KRTAP5-10: variants seen among roughly 807,000 people sequenced by gnomAD.
KRTAP5-10 encodes keratin-associated protein 5-10.
A neutral mutation model predicts 1.6 loss-of-function variants in KRTAP5-10; 1 was observed. The observed-to-expected ratio is 0.64, with a 90% CI of 0.23 to 3.04. The LOEUF is 3.04. Ranked by LOEUF, KRTAP5-10 falls within the 30% of genes most tolerant of loss-of-function variation. KRTAP5-10 has a pLI of 0.21. For missense variants in KRTAP5-10, 219 were observed against 255.2 expected (o/e 0.86, Z 0.97); for synonymous variants, 76 against 102.0 (o/e 0.75, Z 1.54).
In KRTAP5-10 at chr11:71,566,204, A is replaced by AATG; in HGVS notation, c.*9_*10insTGA. ...TGCCAGTGTAAGATCTGAGGCTCTG[A>AATG]ACCCAGACCTTCAGGTTTCACCTGT... On this transcript the variant is annotated 3_prime_UTR_variant, in exon 1 of 1. Transcript: ENST00000398531. The AATG allele has an allele frequency of 6.2e-7, 1 of 1,614,016 alleles. No homozygotes were observed. Among genetic ancestry groups the AATG allele is most frequent in the Non-Finnish European group, 8.5e-7 (1 of 1,179,910 alleles).
chr11:71,566,050 G>A lies in KRTAP5-10; in HGVS notation c.463G>A (p.Gly155Arg), dbSNP rs1185259053. 5 of 1,613,674 alleles carry A rather than the reference G, an allele frequency of 3.1e-6. No individual in the cohort carries two copies. The highest frequency in any genetic ancestry group is 3.4e-6 in the Non-Finnish European group (4 of 1,179,858). ...GCCCTGCTGCTGCTCCTCAGGCTGT[G>A]GATCCTGCTGCCAGTCCAGCTGCTG... The part of the protein sequence containing the change: ...CKPCCCSSGC[G>R]SCCQSSCCNP... Residue 155 changes from glycine (G) to arginine (R), a missense_variant, in exon 1 of 1, where the codon GGA (glycine) becomes AGA (arginine). Physicochemically the swap from Gly to Arg is moderately radical, Grantham distance 125. Transcript: ENST00000398531.
In KRTAP5-10 at chr11:71,566,275, C is replaced by T. The variant is rs1249018816; in HGVS notation, c.*79C>T. 7.6e-6 allele frequency: 12 copies of T among 1,588,098 alleles called. No individual in the cohort carries two copies. In the East Asian group the frequency reaches 1.6e-4, roughly 21 times the overall value. Reference sequence around the variant, plus strand: ...GATTTCCCTGAATTAATTCATCCCACGCATCCTCCCTGAGGCACCTGCCCC... The same window carrying T: ...GATTTCCCTGAATTAATTCATCCCATGCATCCTCCCTGAGGCACCTGCCCC... On this transcript the variant is annotated 3_prime_UTR_variant, in exon 1 of 1. Coordinates refer to ENST00000398531, the MANE Select transcript of KRTAP5-10 (RefSeq NM_001012710.2).
In KRTAP5-10 at chr11:71,565,786, T is replaced by C. The variant is rs200707146; in HGVS notation, c.199T>C (p.Cys67Arg). The part of the protein sequence containing the change: ...PACSCSSCGS[C>R]GGSKGDCGSC... ...CTGTTCCTGCTCCAGCTGTGGCTCC[T>C]GTGGGGGCTCCAAGGGGGACTGTGG... is the stretch of plus-strand genomic sequence containing the variant. The change falls in exon 1 of 1, where the codon TGT becomes CGT. Residue 67 changes from cysteine (C) to arginine (R), a missense_variant. Cys to Arg is a radical substitution (Grantham distance 180). Transcript: ENST00000398531. 5.7e-4 allele frequency: 864 copies of C among 1,506,682 alleles called. 14 individuals are homozygous for C. The African/African-American group carries it at 0.012, about 21-fold the overall frequency. 93.3% of individuals were successfully genotyped at this position (1,506,682 alleles called of 1,614,324 possible).
Position 71,565,784 on chromosome 11 carries a change from CCTGTGGGG to C in KRTAP5-10, c.198_205del (p.Cys67LeufsTer77), listed in dbSNP as rs1950185573. On this transcript the variant is annotated frameshift_variant, in exon 1 of 1. Transcript: ENST00000398531. LOFTEE classifies it low-confidence loss of function (END_TRUNC). ...GCCTGTTCCTGCTCCAGCTGTGGCTCCTGTGGGGGCTCCAAGGGGGACTGTGGCTCTTG... is the reference window on the plus strand; with the variant it reads ...GCCTGTTCCTGCTCCAGCTGTGGCTCGCTCCAAGGGGGACTGTGGCTCTTG... 6.4e-7 allele frequency: 1 copy of C among 1,553,356 alleles called. No individual in the cohort carries two copies. Among genetic ancestry groups the C allele is most frequent in the African/African-American group, 1.5e-5 (1 of 68,300 alleles).
rs1950192328 is a variant in KRTAP5-10, at chr11:71,566,489, C to T, written c.*293C>T. The T allele has an allele frequency of 1.9e-6, 1 of 521,684 alleles. No homozygotes were observed. Among genetic ancestry groups the T allele is most frequent in the Non-Finnish European group, 3.6e-6 (1 of 281,684 alleles). The allele number at this position is 521,684 out of a possible 1,614,324, so 32.3% of individuals were successfully genotyped here. On this transcript the variant is annotated 3_prime_UTR_variant, in exon 1 of 1. Transcript: ENST00000398531. ...TGGGTGTGGACCATCTTCTTCTTCT[C>T]CCTCGGCTGACTGAGATGCAAGGTC...
chr11:71,565,952 G>A lies in KRTAP5-10; in HGVS notation c.365G>A (p.Gly122Asp), dbSNP rs760168607. Residue 122 changes from glycine (G) to aspartate (D), a missense_variant, in exon 1 of 1, where the codon GGT becomes GAT. This residue lies in a region of KRTAP5-10 where 124 missense variants were observed against 127.2 expected (regional missense o/e 0.98). Transcript: ENST00000398531. ...TGTGGCTCCTGTGGGGGCTCCAAAG[G>A]TGGCTGTGGTTCCTGTGGGGGCTCC... ...GGCGSCGGSK[G>D]GCGSCGGSKG... The A allele has an allele frequency of 6.4e-7, 1 of 1,556,330 alleles. No individual in the cohort carries two copies. Among genetic ancestry groups the A allele is most frequent in the South Asian group, 1.2e-5 (1 of 86,690 alleles).
In KRTAP5-10 at chr11:71,565,861, G is replaced by A. The variant is rs1346951781; in HGVS notation, c.274G>A (p.Gly92Arg). The change falls in exon 1 of 1, where the codon GGG (glycine) becomes AGG (arginine). Residue 92 changes from glycine (G) to arginine (R), a missense_variant. Physicochemically the swap from Gly to Arg is moderately radical, Grantham distance 125. This residue lies in a region of KRTAP5-10 where 3 missense variants were observed against 19.3 expected (regional missense o/e 0.16). Coordinates refer to ENST00000398531, the MANE Select transcript of KRTAP5-10 (RefSeq NM_001012710.2). Reference protein sequence around the residue: ...GGCGSCGGSKGGCGSCGGSKG... With the variant: ...GGCGSCGGSKRGCGSCGGSKG... ...CTGTGGTTCCTGTGGGGGCTCCAAG[G>A]GGGGCTGTGGCTCCTGTGGGGGCTC... is the stretch of plus-strand genomic sequence containing the variant. 1 of 1,435,566 alleles carries A rather than the reference G, an allele frequency of 7.0e-7. No homozygotes were observed. Among genetic ancestry groups the A allele is most frequent in the Non-Finnish European group, 9.4e-7 (1 of 1,066,618 alleles). The allele number at this position is 1,435,566 out of a possible 1,614,324, so 88.9% of individuals were successfully genotyped here. A position where few individuals can be genotyped will look rare whatever the true frequency, so the allele number is the denominator to read the frequency against.
In KRTAP5-10 at chr11:71,566,041, T is replaced by C. The variant is rs765308663; in HGVS notation, c.454T>C (p.Ser152Pro). 1 of 1,613,852 alleles carries C rather than the reference T, an allele frequency of 6.2e-7. No individual in the cohort carries two copies. The highest frequency in any genetic ancestry group is 8.5e-7 in the Non-Finnish European group (1 of 1,179,884). Residue 152 changes from serine to proline, a missense_variant, in exon 1 of 1, where the codon TCA (serine) becomes CCA (proline). Around this residue, in one of 3 missense-constraint regions of KRTAP5-10, gnomAD observed 124 missense variants for 127.2 expected, o/e 0.98. Coordinates refer to ENST00000398531, the MANE Select transcript of KRTAP5-10 (RefSeq NM_001012710.2). ...CNCCKPCCCSSGCGSCCQSSC... is the reference protein window; with the variant it reads ...CNCCKPCCCSPGCGSCCQSSC... ...TTGCTGTAAGCCCTGCTGCTGCTCC[T>C]CAGGCTGTGGATCCTGCTGCCAGTC...
chr11:71,566,524 A>C lies in KRTAP5-10; in HGVS notation c.*328A>C. On this transcript the variant is annotated 3_prime_UTR_variant, in exon 1 of 1. Transcript: ENST00000398531. ...ACTGAGATGCAAGGTCTGACCCCAC[A>C]AGGCCAGGCCAATGTTGCTCAGTGA... 1 of 442,774 alleles carries C rather than the reference A, an allele frequency of 2.3e-6. No homozygotes were observed. Among genetic ancestry groups the C allele is most frequent in the Non-Finnish European group, 4.3e-6 (1 of 232,312 alleles). The allele number at this position is 442,774 out of a possible 1,614,324, so 27.4% of individuals were successfully genotyped here.
chr11:71,566,132 G>A lies in KRTAP5-10; in HGVS notation c.545G>A (p.Cys182Tyr). 2.5e-6 allele frequency: 4 copies of A among 1,613,038 alleles called. No individual in the cohort carries two copies. The highest frequency in any genetic ancestry group is 2.5e-6 in the Non-Finnish European group (3 of 1,179,192). ...CCVPVCCQSS[C>Y]CKPCCCQSSC... ...GTCCCCGTGTGCTGCCAGTCTAGCT[G>A]CTGCAAGCCCTGCTGCTGTCAGTCC... is the stretch of plus-strand genomic sequence containing the variant. The change falls in exon 1 of 1, where the codon TGC becomes TAC. Residue 182 changes from cysteine to tyrosine, a missense_variant. By Grantham distance (194) the Cys-to-Tyr change is radical. This residue lies in a region of KRTAP5-10 where 124 missense variants were observed against 127.2 expected (regional missense o/e 0.98). Coordinates refer to ENST00000398531, the MANE Select transcript of KRTAP5-10 (RefSeq NM_001012710.2).
chr11:71,565,950 A>T lies in KRTAP5-10; in HGVS notation c.363A>T (p.Lys121Asn). ...KGGCGSCGGS[K>N]GGCGSCGGSK... ...GCTGTGGCTCCTGTGGGGGCTCCAA[A>T]GGTGGCTGTGGTTCCTGTGGGGGCT... Residue 121 changes from lysine (K) to asparagine (N), a missense_variant, in exon 1 of 1, where the codon AAA (lysine) becomes AAT (asparagine). Coordinates refer to ENST00000398531, the MANE Select transcript of KRTAP5-10 (RefSeq NM_001012710.2). 2.6e-6 allele frequency: 3 copies of T among 1,165,364 alleles called. No homozygotes were observed. Among genetic ancestry groups the T allele is most frequent in the South Asian group, 3.2e-5 (2 of 61,822 alleles). The allele number at this position is 1,165,364 out of a possible 1,614,324, so 72.2% of individuals were successfully genotyped here. A position where few individuals can be genotyped will look rare whatever the true frequency, so the allele number is the denominator to read the frequency against.
In KRTAP5-10 at chr11:71,565,583, G is replaced by T; in HGVS notation, c.-5G>T. The T allele has an allele frequency of 6.2e-7, 1 of 1,612,780 alleles. No individual in the cohort carries two copies. ...TACCTGATCCACCCTCAATCTACCA[G>T]AATCATGGGCTGCTGTGGCTGCTCC... On this transcript the variant is annotated 5_prime_UTR_variant, in exon 1 of 1. Coordinates refer to ENST00000398531, the MANE Select transcript of KRTAP5-10 (RefSeq NM_001012710.2).
At position 71,566,272 on chromosome 11, in the gene KRTAP5-10, C is replaced by T. The variant is rs1950191169; in HGVS notation, c.*76C>T. 6 of 1,592,288 alleles carry T rather than the reference C, an allele frequency of 3.8e-6. No individual in the cohort carries two copies. The highest frequency in any genetic ancestry group is 2.7e-5 in the African/African-American group (2 of 74,682). On this transcript the variant is annotated 3_prime_UTR_variant, in exon 1 of 1. Transcript: ENST00000398531. ...TATGATTTCCCTGAATTAATTCATC[C>T]CACGCATCCTCCCTGAGGCACCTGC...
Position 71,565,581 on chromosome 11 carries a change from C to A in KRTAP5-10, c.-7C>A. 6.2e-7 allele frequency: 1 copy of A among 1,612,954 alleles called. No individual in the cohort carries two copies. Among genetic ancestry groups the A allele is most frequent in the Non-Finnish European group, 8.5e-7 (1 of 1,179,882 alleles). The stretch of plus-strand genomic sequence containing the variant: ...TCTACCTGATCCACCCTCAATCTAC[C>A]AGAATCATGGGCTGCTGTGGCTGCT... On this transcript the variant is annotated 5_prime_UTR_variant, in exon 1 of 1. Transcript: ENST00000398531.
In KRTAP5-10 at chr11:71,566,018, G is replaced by A. The variant is rs772795757; in HGVS notation, c.431G>A (p.Cys144Tyr). Residue 144 changes from cysteine (C) to tyrosine (Y), a missense_variant, in exon 1 of 1, where the codon TGC (cysteine) becomes TAC (tyrosine). Cys to Tyr is a radical substitution (Grantham distance 194). Around this residue, in one of 3 missense-constraint regions of KRTAP5-10, gnomAD observed 124 missense variants for 127.2 expected, o/e 0.98. Coordinates refer to ENST00000398531, the MANE Select transcript of KRTAP5-10 (RefSeq NM_001012710.2). ...TCTTGTGGCTGCTCCCAGTGCAATT[G>A]CTGTAAGCCCTGCTGCTGCTCCTCA... Reference protein sequence around the residue: ...CGSCGCSQCNCCKPCCCSSGC... With the variant: ...CGSCGCSQCNYCKPCCCSSGC... The A allele has an allele frequency of 2.5e-6, 4 of 1,613,868 alleles. No homozygotes were observed. Among genetic ancestry groups the A allele is most frequent in the Admixed American group, 1.7e-5 (1 of 60,020 alleles).
Position 71,566,526 on chromosome 11 carries a change from G to A in KRTAP5-10, c.*330G>A, listed in dbSNP as rs985678235. The A allele has an allele frequency of 1.4e-5, 6 of 443,462 alleles. No individual in the cohort carries two copies. The East Asian group carries it at 2.8e-4, about 21-fold the overall frequency. The allele number at this position is 443,462 out of a possible 1,614,324, so 27.5% of individuals were successfully genotyped here. A position where few individuals can be genotyped will look rare whatever the true frequency, so the allele number is the denominator to read the frequency against. ...TGAGATGCAAGGTCTGACCCCACAA[G>A]GCCAGGCCAATGTTGCTCAGTGATC... is the stretch of plus-strand genomic sequence containing the variant. On this transcript the variant is annotated 3_prime_UTR_variant, in exon 1 of 1. Coordinates refer to ENST00000398531, the MANE Select transcript of KRTAP5-10 (RefSeq NM_001012710.2).
chr11:71,565,898 G>T lies in KRTAP5-10; in HGVS notation c.311G>T (p.Cys104Phe), dbSNP rs369128313. The change falls in exon 1 of 1, where the codon TGT (cysteine) becomes TTT (phenylalanine). Residue 104 changes from cysteine (C) to phenylalanine (F), a missense_variant. By Grantham distance (205) the Cys-to-Phe change is radical. This residue lies in a region of KRTAP5-10 where 124 missense variants were observed against 127.2 expected (regional missense o/e 0.98). Transcript: ENST00000398531. ...CGSCGGSKGG[C>F]GSCGGSKGGC... ...TCCTGTGGGGGCTCCAAGGGGGGCT[G>T]TGGTTCTTGTGGGGGCTCCAAGGGG... The T allele has an allele frequency of 7.9e-5, 111 of 1,402,648 alleles. No homozygotes were observed. In the South Asian group the frequency reaches 1.3e-3, roughly 17 times the overall value. 86.9% of individuals were successfully genotyped at this position (1,402,648 alleles called of 1,614,324 possible).
chr11:71,566,476 ATCT>A lies in KRTAP5-10; in HGVS notation c.*290_*292del, dbSNP rs1950192276. On this transcript the variant is annotated 3_prime_UTR_variant, in exon 1 of 1. Coordinates refer to ENST00000398531, the MANE Select transcript of KRTAP5-10 (RefSeq NM_001012710.2). ...TGTTCCCTGCACTTGGGTGTGGACC[ATCT>A]TCTTCTTCTCCCTCGGCTGACTGAG... is the stretch of plus-strand genomic sequence containing the variant. The A allele has an allele frequency of 5.3e-6, 3 of 562,878 alleles. No individual in the cohort carries two copies. Among genetic ancestry groups the A allele is most frequent in the East Asian group, 3.2e-5 (1 of 31,362 alleles). 34.9% of individuals were successfully genotyped at this position (562,878 alleles called of 1,614,324 possible). A position where few individuals can be genotyped will look rare whatever the true frequency, so the allele number is the denominator to read the frequency against.
At position 71,566,481 on chromosome 11, in the gene KRTAP5-10, C is replaced by T; in HGVS notation, c.*285C>T. 1 of 548,728 alleles carries T rather than the reference C, an allele frequency of 1.8e-6. No individual in the cohort carries two copies. Among genetic ancestry groups the T allele is most frequent in the Non-Finnish European group, 3.4e-6 (1 of 297,982 alleles). The allele number at this position is 548,728 out of a possible 1,614,324, so 34.0% of individuals were successfully genotyped here. On this transcript the variant is annotated 3_prime_UTR_variant, in exon 1 of 1. Transcript: ENST00000398531. Reference sequence around the variant, plus strand: ...CCTGCACTTGGGTGTGGACCATCTTCTTCTTCTCCCTCGGCTGACTGAGAT... The same window carrying T: ...CCTGCACTTGGGTGTGGACCATCTTTTTCTTCTCCCTCGGCTGACTGAGAT...
Sources: allele counts gnomAD v4.1 joint callset, GRCh38; gene constraint gnomAD v4.1.1; regional missense constraint gnomAD v4.1.1; transcripts MANE v1.5; gene names NCBI Gene and HGNC (gene_info 2026-07-23, HGNC 2026-07-21).